Variants in SEMA3A observed in about 807,000 individuals in gnomAD.
SEMA3A encodes the protein semaphorin-3A.
In SEMA3A, 29 loss-of-function variants were observed where a neutral mutation model predicts 97.9. The observed-to-expected ratio is 0.30, with a 90% CI of 0.22 to 0.40. The LOEUF (loss-of-function observed/expected upper bound fraction) is 0.40. Ranked by LOEUF, SEMA3A falls within the 10% of genes least tolerant of loss-of-function variation. The pLI, the probability that SEMA3A is intolerant of heterozygous loss-of-function variation, is 1.00. For synonymous variants in SEMA3A, 321 were observed against 323.7 expected (o/e 0.99, Z 0.09); for missense variants, 763 against 951.3 (o/e 0.80, Z 2.60).
intron 3 of SEMA3A, among the ~76,000 whole-genome samples, chr7:84,295,306 A>T (rs895035783): frequency 5.4e-5 from 8 of 149,532 alleles, no homozygotes; most frequent in Admixed American, 1.3e-4. Context: ...TAGATTCATT[A>T]TTTTTTTTTT....
chr7:84,349,790 G>T (rs1802391107), intron 2 of SEMA3A, among the ~76,000 whole-genome samples: 1 of 152,048 alleles, frequency 6.6e-6, no homozygotes, highest in African/African-American at 2.4e-5. Context: ...GCTTGTCTTA[G>T]AATAAGTTAT....
intron 3 of SEMA3A, among the ~76,000 whole-genome samples, chr7:84,117,869 T>A (rs1419348402): frequency 2.6e-5 from 4 of 152,184 alleles, no homozygotes; most frequent in African/African-American, 4.8e-5. Context: ...TCTCCTCAAC[T>A]AAAAATGAGA....
At chr7:84,120,454 T>C (rs1352344685) in intron 3 of SEMA3A, among the ~76,000 whole-genome samples, 1 of 152,188 alleles carries the variant, frequency 6.6e-6, no homozygotes, top group Non-Finnish European at 1.5e-5. Flanking sequence ...AAGCTCTCCA[T>C]AAGTGTTGGA....
chr7:84,340,573 G>T (rs1213309953), intron 2 of SEMA3A, among the ~76,000 whole-genome samples: 1 of 152,022 alleles, frequency 6.6e-6, no homozygotes, highest in African/African-American at 2.4e-5. Flanking sequence ...GAGGTCAGGA[G>T]TTCGAGACCA....
chr7:84,318,306 A>C (rs890904517), intron 2 of SEMA3A, among the ~76,000 whole-genome samples: 5 of 147,992 alleles, frequency 3.4e-5, no homozygotes, highest in African/African-American at 1.2e-4. Context: ...GTGTGAATAA[A>C]TGATTTCTTG....
chr7:84,017,873 G>T (rs1420523792), intron 6 of SEMA3A, among the ~76,000 whole-genome samples: 1 of 151,810 alleles, frequency 6.6e-6, no homozygotes, highest in East Asian at 1.9e-4. Flanking sequence ...AGGATTTCTT[G>T]GCTGCTGGAA....
intron 1 of SEMA3A, among the ~76,000 whole-genome samples, chr7:84,190,504 G>A (rs150543161): frequency 6.6e-6 from 1 of 151,486 alleles, no homozygotes; most frequent in Non-Finnish European, 1.5e-5. Context: ...TTTGCTCTAT[G>A]CATGTGTGTA....
chr7:84,446,281 C>T (rs1330077393), intron 1 of SEMA3A, among the ~76,000 whole-genome samples: 1 of 152,112 alleles, frequency 6.6e-6, no homozygotes, highest in East Asian at 1.9e-4. Flanking sequence ...ATTTAAAGAA[C>T]ACAAATCTTT....
chr7:84,385,167 T>C (rs1246427285), intron 1 of SEMA3A, among the ~76,000 whole-genome samples: 1 of 151,864 alleles, frequency 6.6e-6, no homozygotes, highest in Non-Finnish European at 1.5e-5. Flanking sequence ...GTGAGAGGCA[T>C]GTAGAAGTCA....
chr7:83,991,253 T>C lies in SEMA3A; in HGVS notation c.1453-5776A>G, dbSNP rs1030914786. Among the ~76,000 whole-genome samples the C allele has an allele frequency of 9.2e-5, 14 of 152,234 alleles. No individual in the cohort carries two copies. The East Asian group carries it at 9.7e-4, about 11-fold the overall frequency. On this transcript the variant is annotated intron_variant, in intron 12 of 16. Coordinates refer to ENST00000265362, the MANE Select transcript of SEMA3A (RefSeq NM_006080.3). ...ATGGGGTTTTCTAGATATACGATCA[T>C]GTCGTCTGCAAACAGGGACAATTTG...
intron 3 of SEMA3A, among the ~76,000 whole-genome samples, chr7:84,301,516 G>T (rs1331469030): frequency 6.6e-6 from 1 of 152,080 alleles, no homozygotes; most frequent in Non-Finnish European, 1.5e-5. Context: ...TCAGACATAT[G>T]CAAATTAAAG....
At chr7:84,160,218 AATCTGTCTATCTATCT>A (rs1353902431) in intron 1 of SEMA3A, among the ~76,000 whole-genome samples, 7 of 142,356 alleles carry the variant, frequency 4.9e-5, no homozygotes, top group Admixed American at 2.3e-4. Flanking sequence ...AAAAACTATC[AATCTGTCTATCTATCT>A]ATCTATCTAT....
chr7:84,369,070 C>T (rs7783073), intron 2 of SEMA3A, among the ~76,000 whole-genome samples: 15,764 of 150,728 alleles, frequency 0.1, 1,521 homozygotes, highest in African/African-American at 0.23. Context: ...ACAATAAACT[C>T]ATGTTGCCAA....
rs1203432498 is a variant in SEMA3A at position 84,104,323 on chromosome 7, T to G, written c.453+6147A>C. On this transcript the variant is annotated intron_variant, in intron 4 of 16. Transcript: ENST00000265362. The stretch of plus-strand genomic sequence containing the variant: ...TTTAAATTTGTCCAAATACTTTACC[T>G]GGCAATAGGTATGCTATATGTGCTA... Among the ~76,000 whole-genome samples the G allele has an allele frequency of 3.3e-5, 5 of 152,238 alleles. No individual in the cohort carries two copies. The East Asian group carries it at 7.7e-4, about 23-fold the overall frequency.
chr7:84,012,828 T>G (rs2116417444), intron 7 of SEMA3A, among the ~76,000 whole-genome samples: 1 of 152,302 alleles, frequency 6.6e-6, no homozygotes, highest in East Asian at 1.9e-4. Context: ...TATGTACATA[T>G]ATTGAGAGCA....
intron 1 of SEMA3A, among the ~76,000 whole-genome samples, chr7:84,192,420 A>C (rs1349126557): frequency 1.3e-5 from 2 of 151,964 alleles, no homozygotes; most frequent in Non-Finnish European, 2.9e-5. Context: ...CAAATTATTA[A>C]GCTCTAGGTG....
chr7:84,006,043 C>T (rs1164837985), intron 10 of SEMA3A, among the ~76,000 whole-genome samples: 2 of 152,022 alleles, frequency 1.3e-5, no homozygotes, highest in Non-Finnish European at 2.9e-5. Flanking sequence ...GTCACTAATT[C>T]TTAGGCAAAA....
chr7:84,180,449 A>G (rs1262092381), intron 1 of SEMA3A, among the ~76,000 whole-genome samples: 1 of 151,856 alleles, frequency 6.6e-6, no homozygotes, highest in African/African-American at 2.4e-5. Flanking sequence ...GCACTTTGGG[A>G]GGCCGAGGCA....
intron 13 of SEMA3A, among the ~76,000 whole-genome samples, chr7:83,984,795 G>C (rs1394574379): frequency 2.0e-5 from 3 of 151,972 alleles, no homozygotes; most frequent in Non-Finnish European, 2.9e-5. Flanking sequence ...TGAATGGAAA[G>C]ACTATTAACA....
Sources: allele counts gnomAD v4.1 joint callset (sites outside exome capture counted in the v4.1 genomes callset), GRCh38; gene constraint gnomAD v4.1.1; transcripts MANE v1.5; gene names NCBI Gene and HGNC (gene_info 2026-07-23, HGNC 2026-07-21).